MIGA1: variants seen among roughly 807,000 people sequenced by gnomAD.
The protein encoded by MIGA1 is mitoguardin 1.
A neutral mutation model predicts 82.0 loss-of-function variants in MIGA1; 58 were observed. The observed-to-expected ratio is 0.71, with a 90% CI of 0.57 to 0.88. MIGA1 has a LOEUF of 0.88. Ranked by LOEUF, MIGA1 falls within the 40% of genes least tolerant of loss-of-function variation. The pLI, the probability that MIGA1 is intolerant of heterozygous loss-of-function variation, is 0.00. For missense variants in MIGA1, 751 were observed against 749.1 expected, an observed-to-expected ratio of 1.00 and a Z score of -0.03; for synonymous variants, 249 against 253.6, an observed-to-expected ratio of 0.98 and a Z score of 0.17.
chr1:77,839,049 T>C (rs1421504692), intron 7 of MIGA1, among the ~76,000 whole-genome samples: 5 of 152,174 alleles, frequency 3.3e-5, no homozygotes, highest in Non-Finnish European at 5.9e-5. Flanking sequence ...AACACTCTTA[T>C]GCATATAAGC....
At chr1:77,789,616 A>T (rs139462551) in intron 2 of MIGA1, among the ~76,000 whole-genome samples, 233 of 152,186 alleles carry the variant, frequency 1.5e-3, no homozygotes, top group African/African-American at 5.4e-3. Context: ...TTTTGATCTT[A>T]TGGATTTAAT....
chr1:77,865,085 A>G (rs1685612518), intron 13 of MIGA1, among the ~76,000 whole-genome samples: 1 of 151,780 alleles, frequency 6.6e-6, no homozygotes, highest in Admixed American at 6.6e-5. Context: ...GATTTGGTAA[A>G]GTGACCTTGA....
At chr1:77,822,835 GTTTTTTTTT>G (rs752488187) in intron 7 of MIGA1, among the ~76,000 whole-genome samples, 3 of 109,368 alleles carry the variant, frequency 2.7e-5, no homozygotes, top group African/African-American at 1.0e-4. Flanking sequence ...CTTTCAGCAT[GTTTTTTTTT>G]TTTTTTTTTT....
At chr1:77,802,631 G>GT (rs937101425) in intron 3 of MIGA1, among the ~76,000 whole-genome samples, 7 of 151,596 alleles carry the variant, frequency 4.6e-5, no homozygotes, top group South Asian at 2.1e-4. Context: ...TAAAAAAATT[G>GT]TTTTTTTTGG....
At chr1:77,806,880 T>G in intron 4 of MIGA1, 95 bp from the exon 5 acceptor site, 1 of 858,830 alleles carries the variant, frequency 1.2e-6, no homozygotes, top group South Asian at 1.9e-5. Flanking sequence ...GTCTTACCAC[T>G]AATAGGATTT....
chr1:77,874,970 A>T lies in MIGA1; in HGVS notation c.1805A>T (p.Tyr602Phe). The T allele has an allele frequency of 3.1e-6, 5 of 1,614,154 alleles. No individual in the cohort carries two copies. The highest frequency in any genetic ancestry group is 4.2e-6 in the Non-Finnish European group (5 of 1,180,010). Reference sequence around the variant, plus strand: ...CGCCGCACTGAGCTTTTAATGGCCTATCTTGAAGCAGATGCCCTGAGGCAT... The same window carrying T: ...CGCCGCACTGAGCTTTTAATGGCCTTTCTTGAAGCAGATGCCCTGAGGCAT... Residue 602 changes from tyrosine to phenylalanine, a missense_variant, in exon 16 of 16, where the codon TAT becomes TTT. Tyr to Phe is a conservative substitution (Grantham distance 22, BLOSUM62 3). This residue lies in a region of MIGA1 where 265 missense variants were observed against 293.6 expected (regional missense o/e 0.90). Coordinates refer to ENST00000370791, the MANE Select transcript of MIGA1 (RefSeq NM_198549.4).
Position 77,779,714 on chromosome 1 carries a change from C to G in MIGA1, c.59C>G (p.Ala20Gly), listed in dbSNP as rs755263972. 1.3e-6 allele frequency: 2 copies of G among 1,579,606 alleles called. No individual in the cohort carries two copies. The highest frequency in any genetic ancestry group is 1.8e-5 in the Admixed American group (1 of 55,418). The change falls in exon 1 of 16, where the codon GCT becomes GGT. Residue 20 changes from alanine (A) to glycine (G), a missense_variant. By Grantham distance (60) the Ala-to-Gly change is moderately conservative. Coordinates refer to ENST00000370791, the MANE Select transcript of MIGA1 (RefSeq NM_198549.4). ...TGGGAAGCTGGCGTGGGCAGGCCAGCTGTACCTGGCCTGGAGCTCCAGGTA... is the reference window on the plus strand; with the variant it reads ...TGGGAAGCTGGCGTGGGCAGGCCAGGTGTACCTGGCCTGGAGCTCCAGGTA...
At chr1:77,825,782 G>A (rs576419366) in intron 7 of MIGA1, among the ~76,000 whole-genome samples, 31 of 152,110 alleles carry the variant, frequency 2.0e-4, no homozygotes, top group African/African-American at 7.0e-4. Context: ...AAGGCTTAAC[G>A]AAAACCTCCA....
intron 2 of MIGA1, among the ~76,000 whole-genome samples, chr1:77,793,099 T>G (rs1182780121): frequency 6.6e-6 from 1 of 151,860 alleles, no homozygotes; most frequent in Non-Finnish European, 1.5e-5. Flanking sequence ...CCTGTTTTTT[T>G]TGTTTGTATG....
intron 7 of MIGA1, among the ~76,000 whole-genome samples, chr1:77,837,971 C>T (rs755922533): frequency 1.4e-4 from 21 of 152,122 alleles, no homozygotes; most frequent in Non-Finnish European, 2.1e-4. Flanking sequence ...TTATAAAATT[C>T]GTGTCTGGTA....
intron 6 of MIGA1, among the ~76,000 whole-genome samples, chr1:77,814,253 T>C (rs551743663): frequency 1.3e-5 from 2 of 152,336 alleles, no homozygotes; most frequent in East Asian, 3.9e-4. Flanking sequence ...ACTGTTTTTT[T>C]CTTCTTCCTT....
chr1:77,844,632 A>T (rs1684769167), intron 8 of MIGA1, among the ~76,000 whole-genome samples: 1 of 152,110 alleles, frequency 6.6e-6, no homozygotes, highest in African/African-American at 2.4e-5. Context: ...TGCATTTTTT[A>T]CAGTAGATTT....
chr1:77,862,343 A>G (rs1193683398), intron 12 of MIGA1: 1 of 151,344 alleles, frequency 6.6e-6, no homozygotes, highest in Non-Finnish European at 1.5e-5. Context: ...ACTACTCGGG[A>G]GGCCAAGGAA....
chr1:77,861,511 TA>T, intron 12 of MIGA1, 189 bp downstream of exon 12: 1 of 504,426 alleles, frequency 2.0e-6, no homozygotes, highest in Admixed American at 3.8e-5. Flanking sequence ...AATTGTTTTC[TA>T]AGAAGCCTTT....
intron 7 of MIGA1, among the ~76,000 whole-genome samples, chr1:77,825,934 T>G (rs998113871): frequency 6.6e-6 from 1 of 152,194 alleles, no homozygotes; most frequent in African/African-American, 2.4e-5. Flanking sequence ...TAGACTCAGC[T>G]TTTTCATCTG....
At chr1:77,819,144 A>G (rs1159012485) in intron 7 of MIGA1, among the ~76,000 whole-genome samples, 1 of 152,042 alleles carries the variant, frequency 6.6e-6, no homozygotes, top group Non-Finnish European at 1.5e-5. Context: ...TAGGATATAA[A>G]TATACCTATC....
rs143213029 is a variant in MIGA1, at chr1:77,849,526, C to T, written c.996+6119C>T. Among the ~76,000 whole-genome samples the T allele has an allele frequency of 5.9e-5, 9 of 152,076 alleles. No individual in the cohort carries two copies. In the East Asian group the frequency reaches 1.4e-3, roughly 23 times the overall value. Reference sequence around the variant, plus strand: ...TTTGAACAATAGAAAATACACTTTACGTTCTGAAATTTGTATTAAAGTGTA... The same window carrying T: ...TTTGAACAATAGAAAATACACTTTATGTTCTGAAATTTGTATTAAAGTGTA... On this transcript the variant is annotated intron_variant, in intron 8 of 15. Coordinates refer to ENST00000370791, the MANE Select transcript of MIGA1 (RefSeq NM_198549.4).
At chr1:77,839,867 A>G (rs1356405854) in intron 7 of MIGA1, among the ~76,000 whole-genome samples, 1 of 152,052 alleles carries the variant, frequency 6.6e-6, no homozygotes, top group East Asian at 1.9e-4. Context: ...TTAGCCTCCC[A>G]AGTAGCTGAG....
intron 12 of MIGA1, among the ~76,000 whole-genome samples, chr1:77,862,543 G>A (rs1034950454): frequency 6.6e-6 from 1 of 152,126 alleles, no homozygotes; most frequent in African/African-American, 2.4e-5. Flanking sequence ...GTGAGGTCAG[G>A]AGTTTAAGAC....
Sources: gnomAD v4.1 joint callset for allele counts (sites outside exome capture counted in the v4.1 genomes callset) on GRCh38, gnomAD v4.1.1 for gene constraint, gnomAD v4.1.1 regional missense constraint, MANE v1.5 for transcripts, NCBI Gene and HGNC (gene_info 2026-07-23, HGNC 2026-07-21) for gene names.